Variants in CRACD observed in about 807,000 individuals in gnomAD.
CRACD encodes capping protein inhibiting regulator of actin dynamics, also known as capping protein-inhibiting regulator of actin dynamics.
CRACD carries 56 observed loss-of-function variants against 106.8 expected under a neutral mutation model. The observed-to-expected ratio is 0.52, with a 90% CI of 0.42 to 0.66. CRACD has a LOEUF of 0.66. CRACD is among the 30% of genes least tolerant of loss of function. The probability of loss-of-function intolerance (pLI) is 0.00; values close to 1 mark genes in which losing one functional copy is unlikely to be tolerated. For missense variants in CRACD, 1,730 were observed against 1,623.2 expected (o/e 1.07, Z -1.13); for synonymous variants, 754 against 670.8 (o/e 1.12, Z -1.92).
At position 56,110,889 on chromosome 4, in the gene CRACD, G is replaced by A. The variant is rs183198045; in HGVS notation, c.-336+61590G>A. Among the ~76,000 whole-genome samples, 35 of 152,268 alleles carry A rather than the reference G, an allele frequency of 2.3e-4. 1 individual carries two copies. In the South Asian group the frequency reaches 5.2e-3, roughly 23 times the overall value. ...TGGGATTACAGGTGTGAGCCGCTGCGTCCAGCCTAATTCAGTAGAAGATTT... is the reference window on the plus strand; with the variant it reads ...TGGGATTACAGGTGTGAGCCGCTGCATCCAGCCTAATTCAGTAGAAGATTT... On this transcript the variant is annotated intron_variant, in intron 1 of 10. Transcript: ENST00000682029.
intron 3 of CRACD, among the ~76,000 whole-genome samples, chr4:56,294,222 T>TAA (rs34697625): frequency 1.2e-4 from 17 of 142,222 alleles, no homozygotes; most frequent in South Asian, 4.5e-4. Flanking sequence ...GACCCTGTCT[T>TAA]AAAAAAAAAA....
Position 56,314,813 on chromosome 4 carries a change from A to G in CRACD, c.1311A>G (p.Lys437=). 2.5e-6 allele frequency: 4 copies of G among 1,608,730 alleles called. No individual in the cohort carries two copies. Among genetic ancestry groups the G allele is most frequent in the Non-Finnish European group, 3.4e-6 (4 of 1,178,436 alleles). The change falls in exon 8 of 11, where the codon AAA becomes AAG. Residue 437 remains lysine (K), a synonymous_variant. Transcript: ENST00000682029. This position sits in a 1 kb window ranked among gnomAD's most constrained non-coding sequence, Gnocchi z 4.4. ...EERLEDQERL[K]PEGQREHSEE... ...GGCTCGAAGACCAGGAACGCCTGAAACCCGAAGGACAAAGAGAACACTCCG... is the reference window on the plus strand; with the variant it reads ...GGCTCGAAGACCAGGAACGCCTGAAGCCCGAAGGACAAAGAGAACACTCCG...
intron 2 of CRACD, among the ~76,000 whole-genome samples, chr4:56,206,097 T>G (rs1215618437): frequency 6.6e-6 from 1 of 152,108 alleles, no homozygotes; most frequent in East Asian, 2.0e-4. Context: ...TCTTCCATAT[T>G]GCTTTGTTCC....
intron 1 of CRACD, among the ~76,000 whole-genome samples, chr4:56,052,202 T>C (rs1434285607): frequency 6.6e-6 from 1 of 152,206 alleles, no homozygotes; most frequent in African/African-American, 2.4e-5. Flanking sequence ...ACTTTTATTT[T>C]TGCACAGTAA....
intron 2 of CRACD, among the ~76,000 whole-genome samples, chr4:56,207,537 T>C (rs1227628512): frequency 6.6e-6 from 1 of 151,928 alleles, no homozygotes; most frequent in Non-Finnish European, 1.5e-5. Flanking sequence ...AGTGGCCCTT[T>C]ATCTCCCATC....
At chr4:56,094,025 A>G (rs1276992506) in intron 1 of CRACD, among the ~76,000 whole-genome samples, 1 of 152,228 alleles carries the variant, frequency 6.6e-6, no homozygotes, top group Non-Finnish European at 1.5e-5. Context: ...GATAGTCACT[A>G]GAAGTCAGAT....
chr4:56,132,535 C>T (rs1248709798), intron 1 of CRACD, among the ~76,000 whole-genome samples: 1 of 152,058 alleles, frequency 6.6e-6, no homozygotes, highest in Non-Finnish European at 1.5e-5. Context: ...TGTAGGGTTT[C>T]ACCATATTGC....
intron 1 of CRACD, among the ~76,000 whole-genome samples, chr4:56,111,351 TG>T (rs1469294867): frequency 7.8e-6 from 1 of 127,660 alleles, no homozygotes; most frequent in African/African-American, 3.5e-5. Context: ...TGGTTGCCTC[TG>T]GGAAGTAGGA....
intron 2 of CRACD, among the ~76,000 whole-genome samples, chr4:56,238,064 C>T (rs1471043299): frequency 1.3e-5 from 2 of 151,902 alleles, no homozygotes; most frequent in African/African-American, 4.8e-5. Flanking sequence ...TTCTAGTTAC[C>T]CAGTGCTACA....
chr4:56,309,121 G>A (rs1462233546), intron 5 of CRACD: 8 of 409,836 alleles, frequency 2.0e-5, no homozygotes, highest in Admixed American at 1.1e-4. Flanking sequence ...TGAGTAACTT[G>A]GTGGTGGAGA....
At chr4:56,189,567 G>T (rs1259810549) in intron 2 of CRACD, among the ~76,000 whole-genome samples, 2 of 95,264 alleles carry the variant, frequency 2.1e-5, no homozygotes, top group Admixed American at 3.3e-4. Flanking sequence ...CCCCACAACA[G>T]TCCCTGGTGT....
At chr4:56,309,395 T>G (rs866873345) in intron 5 of CRACD, among the ~76,000 whole-genome samples, 1 of 152,094 alleles carries the variant, frequency 6.6e-6, no homozygotes, top group Non-Finnish European at 1.5e-5. Context: ...AAAAGACTCT[T>G]TTGTAAGAAA....
At chr4:56,247,893 TG>T (rs1396325514) in intron 2 of CRACD, among the ~76,000 whole-genome samples, 2 of 151,082 alleles carry the variant, frequency 1.3e-5, no homozygotes, top group Admixed American at 1.3e-4. Flanking sequence ...TTGTGAAGCC[TG>T]GGAGTGGACT....
intron 1 of CRACD, among the ~76,000 whole-genome samples, chr4:56,133,377 T>G (rs1444632464): frequency 6.6e-6 from 1 of 152,224 alleles, no homozygotes; most frequent in Non-Finnish European, 1.5e-5. Flanking sequence ...TTGTTTTGAT[T>G]GTGGTTATTT....
At position 56,314,689 on chromosome 4, in the gene CRACD, CGGA is replaced by C. The variant is rs1745437142; in HGVS notation, c.1197_1199del (p.Glu399del). 4 of 1,551,430 alleles carry C rather than the reference CGGA, an allele frequency of 2.6e-6. No individual in the cohort carries two copies. The highest frequency in any genetic ancestry group is 2.8e-5 in the African/African-American group (2 of 72,572). On this transcript the variant is annotated inframe_deletion, in exon 8 of 11. Coordinates refer to ENST00000682029, the MANE Select transcript of CRACD (RefSeq NM_001393381.1). The surrounding 1 kb of genome is among the most constrained non-coding windows in gnomAD (Gnocchi z 4.4). ...GAGACTGGGGAGGGCCGGCGGGGCG[CGGA>C]GGAGGAGGATCTGGGGGAAGAGGAG...
intron 4 of CRACD, among the ~76,000 whole-genome samples, chr4:56,305,163 G>A (rs1744609053): frequency 6.6e-6 from 1 of 152,202 alleles, no homozygotes; most frequent in South Asian, 2.1e-4. Flanking sequence ...CCAGGCTGCA[G>A]TGAGCTATGA....
At chr4:56,096,642 A>T (rs1733608543) in intron 1 of CRACD, among the ~76,000 whole-genome samples, 2 of 151,620 alleles carry the variant, frequency 1.3e-5, no homozygotes, top group African/African-American at 4.8e-5. Flanking sequence ...AAAAAAAAAA[A>T]GAGAATAGAG....
At chr4:56,145,102 A>T (rs1208832053) in intron 1 of CRACD, among the ~76,000 whole-genome samples, 2 of 152,014 alleles carry the variant, frequency 1.3e-5, no homozygotes, top group Non-Finnish European at 2.9e-5. Flanking sequence ...TTTTTTGTAT[A>T]TTTTCAAAAA....
Position 56,314,136 on chromosome 4 carries a change from C to A in CRACD, c.634C>A (p.Pro212Thr). 6.2e-7 allele frequency: 1 copy of A among 1,614,172 alleles called. No individual in the cohort carries two copies. The highest frequency in any genetic ancestry group is 8.5e-7 in the Non-Finnish European group (1 of 1,180,024). ...CAAGCCAACGTGGCACGAAGAGGAA[C>A]CCAATCCGCTGGATTCCGAGGAAGA... is the stretch of plus-strand genomic sequence containing the variant. ...EDKPTWHEEE[P>T]NPLDSEEERR... is the part of the protein sequence containing the mutation. Residue 212 changes from proline to threonine, a missense_variant, in exon 8 of 11, where the codon CCC becomes ACC. This residue lies in a region of CRACD where 1,620 missense variants were observed against 1,481.6 expected (regional missense o/e 1.09). Coordinates refer to ENST00000682029, the MANE Select transcript of CRACD (RefSeq NM_001393381.1). This position sits in a 1 kb window ranked among gnomAD's most constrained non-coding sequence, Gnocchi z 4.4.
Sources: allele counts gnomAD v4.1 joint callset (sites outside exome capture counted in the v4.1 genomes callset), GRCh38; gene constraint gnomAD v4.1.1; regional missense constraint gnomAD v4.1.1; non-coding constraint Gnocchi (gnomAD v3.1); transcripts MANE v1.5; gene names NCBI Gene and HGNC (gene_info 2026-07-23, HGNC 2026-07-21).